Variants in COL23A1 observed in about 807,000 individuals in gnomAD.
COL23A1 encodes collagen type XXIII alpha 1 chain.
COL23A1 carries 97 observed loss-of-function variants against 99.3 expected under a neutral mutation model. That is an observed-to-expected ratio of 0.98 (90% CI 0.83 to 1.16). The LOEUF (loss-of-function observed/expected upper bound fraction) is 1.16. COL23A1 is among the 50% of genes most tolerant of loss of function. COL23A1 has a pLI of 0.00. For missense variants in COL23A1, 762 were observed against 757.4 expected, an observed-to-expected ratio of 1.01 and a Z score of -0.07; for synonymous variants, 320 against 308.2, an observed-to-expected ratio of 1.04 and a Z score of -0.40.
intron 3 of COL23A1, among the ~76,000 whole-genome samples, chr5:178,292,690 A>C (rs1217613186): frequency 6.6e-6 from 1 of 152,098 alleles, no homozygotes; most frequent in Non-Finnish European, 1.5e-5. Context: ...GAAGTGGTGG[A>C]CGTGGTTGGG....
Position 178,290,213 on chromosome 5 carries a change from T to C in COL23A1, c.414+149A>G, listed in dbSNP as rs546819605. 2.2e-5 allele frequency: 23 copies of C among 1,061,212 alleles called. No individual in the cohort carries two copies. In the South Asian group the frequency reaches 2.6e-4, roughly 12 times the overall value. The allele number at this position is 1,061,212 out of a possible 1,614,324, so 65.7% of individuals were successfully genotyped here. On this transcript the variant is annotated intron_variant, in intron 4 of 28. Transcript: ENST00000390654. Reference sequence around the variant, plus strand: ...TCCCAAAGTGCTGGGATTCCAGGCGTGAGCCACCGCACCTGGCCACTTTTT... The same window carrying C: ...TCCCAAAGTGCTGGGATTCCAGGCGCGAGCCACCGCACCTGGCCACTTTTT...
chr5:178,354,902 C>CA (rs772072260), intron 2 of COL23A1, among the ~76,000 whole-genome samples: 16 of 151,958 alleles, frequency 1.1e-4, no homozygotes, highest in Non-Finnish European at 1.6e-4. Flanking sequence ...AGTAAAAATA[C>CA]AAAAAATTAG....
At chr5:178,289,551 T>G (rs1220088727) in intron 4 of COL23A1, among the ~76,000 whole-genome samples, 1 of 152,202 alleles carries the variant, frequency 6.6e-6, no homozygotes, top group Non-Finnish European at 1.5e-5. Context: ...AGGTCTCAGC[T>G]GTCTGATCCA....
intron 3 of COL23A1, among the ~76,000 whole-genome samples, chr5:178,301,331 T>G (rs919040687): frequency 7.2e-5 from 11 of 152,242 alleles, no homozygotes; most frequent in Admixed American, 6.5e-4. Flanking sequence ...AGGGACATGA[T>G]TCTCATGCTT....
At position 178,270,370 on chromosome 5, in the gene COL23A1, A is replaced by G. The variant is rs779626371; in HGVS notation, c.442-7T>C. 1 of 1,613,926 alleles carries G rather than the reference A, an allele frequency of 6.2e-7. No individual in the cohort carries two copies. The highest frequency in any genetic ancestry group is 1.7e-5 in the Admixed American group (1 of 59,992). On this transcript the variant is annotated splice_polypyrimidine_tract_variant and splice_region_variant and intron_variant, in intron 5 of 28. Transcript: ENST00000390654. Reference sequence around the variant, plus strand: ...CATCCAAACCCAGGGGTCCCTGGAAAACGAGAGAGAGAGAACACAGGTTAC... The same window carrying G: ...CATCCAAACCCAGGGGTCCCTGGAAGACGAGAGAGAGAGAACACAGGTTAC...
Position 178,434,406 on chromosome 5 carries a change from C to A in COL23A1, c.361+126276G>T, listed in dbSNP as rs1766437596. Among the ~76,000 whole-genome samples, 1 of 152,230 alleles carries A rather than the reference C, an allele frequency of 6.6e-6. No homozygotes were observed. Among genetic ancestry groups the A allele is most frequent in the Admixed American group, 6.5e-5 (1 of 15,288 alleles). On this transcript the variant is annotated intron_variant, in intron 2 of 28. Transcript: ENST00000390654. The surrounding 1 kb of genome is among the most constrained non-coding windows in gnomAD (Gnocchi z 4.3). ...GCCCCTGCAGCACGGTGGCCTCGGGCAAAATGCCTGGACCAGGACTTGGAC... is the reference window on the plus strand; with the variant it reads ...GCCCCTGCAGCACGGTGGCCTCGGGAAAAATGCCTGGACCAGGACTTGGAC...
intron 2 of COL23A1, among the ~76,000 whole-genome samples, chr5:178,472,952 C>CT (rs1260901793): frequency 6.6e-6 from 1 of 152,130 alleles, no homozygotes; most frequent in Non-Finnish European, 1.5e-5. Flanking sequence ...GAGTGAGACT[C>CT]TATCTCTACA....
chr5:178,366,121 A>C lies in COL23A1; in HGVS notation c.362-59202T>G, dbSNP rs1053141735. Among the ~76,000 whole-genome samples the C allele has an allele frequency of 4.6e-5, 7 of 152,190 alleles. No individual in the cohort carries two copies. The highest frequency in any genetic ancestry group is 8.8e-5 in the Non-Finnish European group (6 of 67,968). On this transcript the variant is annotated intron_variant, in intron 2 of 28. Transcript: ENST00000390654. The surrounding 1 kb of genome is among the most constrained non-coding windows in gnomAD (Gnocchi z 4.4). ...CCAGCCCCATGGGGACCATCTGTTA[A>C]AGCTCCATCTACCCTACGAGGAGGC...
chr5:178,258,262 T>TATATATATATATACACACACAC, intron 12 of COL23A1, among the ~76,000 whole-genome samples: 2 of 104,128 alleles, frequency 1.9e-5, no homozygotes, highest in Non-Finnish European at 4.5e-5. Context: ...TATATATATA[T>TATATATATATATACACACACAC]ACACATGCAA....
intron 5 of COL23A1, among the ~76,000 whole-genome samples, chr5:178,274,863 C>T (rs1756498796): frequency 6.6e-6 from 1 of 152,222 alleles, no homozygotes; most frequent in Non-Finnish European, 1.5e-5. Flanking sequence ...TGATCAAAGC[C>T]CTTGAATCCA....
chr5:178,291,071 C>T (rs1378767012), intron 3 of COL23A1, among the ~76,000 whole-genome samples: 4 of 152,198 alleles, frequency 2.6e-5, no homozygotes, highest in East Asian at 3.8e-4. Flanking sequence ...CACAGAGCAG[C>T]GACTTGTGTG....
rs1758552425 is a variant in COL23A1 at position 178,309,511 on chromosome 5, G to A, written c.362-2592C>T. On this transcript the variant is annotated intron_variant, in intron 2 of 28. Transcript: ENST00000390654. The surrounding 1 kb of genome is among the most constrained non-coding windows in gnomAD (Gnocchi z 4.7). ...TGATCCTAACCAGGCACGGTGCTGG[G>A]GGCGCCATGTGACCGACTTGCAGAT... 6.6e-6 allele frequency among the ~76,000 whole-genome samples: 1 copy of A among 152,058 alleles called. No homozygotes were observed. The highest frequency in any genetic ancestry group is 2.4e-5 in the African/African-American group (1 of 41,390).
intron 25 of COL23A1, 85 bp downstream of exon 25, chr5:178,245,857 G>C: frequency 6.7e-7 from 1 of 1,485,592 alleles, no homozygotes; most frequent in Non-Finnish European, 9.4e-7. Flanking sequence ...GGTCACACTT[G>C]AGTAGCCAGA....
chr5:178,536,097 C>A (rs1760922963), intron 2 of COL23A1, among the ~76,000 whole-genome samples: 1 of 152,238 alleles, frequency 6.6e-6, no homozygotes, highest in South Asian at 2.1e-4. Context: ...TCTGAGGCCA[C>A]CAGCAAGGCA....
At chr5:178,250,461 G>A (rs956022322) in intron 17 of COL23A1, among the ~76,000 whole-genome samples, 4 of 152,222 alleles carry the variant, frequency 2.6e-5, no homozygotes, top group African/African-American at 9.7e-5. Flanking sequence ...CAAACGAATG[G>A]TGCAGGCCAC....
intron 2 of COL23A1, among the ~76,000 whole-genome samples, chr5:178,312,055 C>T (rs1273288291): frequency 6.6e-6 from 1 of 152,138 alleles, no homozygotes; most frequent in Non-Finnish European, 1.5e-5. Context: ...TTATGAGTCC[C>T]CAGGTGGGTG....
At chr5:178,496,856 T>G (rs539991890) in intron 2 of COL23A1, among the ~76,000 whole-genome samples, 1 of 152,348 alleles carries the variant, frequency 6.6e-6, no homozygotes, top group African/African-American at 2.4e-5. Flanking sequence ...GGCACTCAAT[T>G]CTGAAAGAAA....
At chr5:178,562,733 T>TGGGGGGGGGGGGGGGGGGGG (rs879632255) in intron 1 of COL23A1, 1 of 97,656 alleles carries the variant, frequency 1.0e-5, no homozygotes, top group African/African-American at 6.8e-5. Context: ...CGCTGGCTGG[T>TGGGGGGGGGGGGGGGGGGGG]GGTGGGGGGG....
chr5:178,268,727 T>C lies in COL23A1; in HGVS notation c.495+3A>G, dbSNP rs1756049051. 4 of 1,603,586 alleles carry C rather than the reference T, an allele frequency of 2.5e-6. No individual in the cohort carries two copies. The highest frequency in any genetic ancestry group is 3.4e-6 in the Non-Finnish European group (4 of 1,173,478). ...CATCTGCACAGCCTCTGGCATCACT[T>C]ACCTTTTCCCCTTTCGGGCCTGGAA... On this transcript the variant is annotated splice_donor_region_variant and intron_variant, in intron 7 of 28. Coordinates refer to ENST00000390654, the MANE Select transcript of COL23A1 (RefSeq NM_173465.4).
Sources: allele counts gnomAD v4.1 joint callset (sites outside exome capture counted in the v4.1 genomes callset), GRCh38; gene constraint gnomAD v4.1.1; non-coding constraint Gnocchi (gnomAD v3.1); transcripts MANE v1.5; gene names NCBI Gene and HGNC (gene_info 2026-07-23, HGNC 2026-07-21).